Variants in DCC observed in about 807,000 individuals in gnomAD.
The protein encoded by DCC is netrin receptor DCC.
DCC carries 58 observed loss-of-function variants against 172.5 expected under a neutral mutation model. That is an observed-to-expected ratio of 0.34 (90% CI 0.27 to 0.42). The LOEUF (loss-of-function observed/expected upper bound fraction) is 0.42. DCC is among the 10% of genes least tolerant of loss of function. The probability of loss-of-function intolerance (pLI) is 1.00; values close to 1 mark genes in which losing one functional copy is unlikely to be tolerated. For missense variants in DCC, 1,740 were observed against 1,791.0 expected (o/e 0.97, Z 0.51); for synonymous variants, 709 against 644.5 (o/e 1.10, Z -1.52).
intron 1 of DCC, among the ~76,000 whole-genome samples, chr18:52,513,787 A>C (rs1270882560): frequency 6.6e-6 from 1 of 152,164 alleles, no homozygotes; most frequent in Non-Finnish European, 1.5e-5. Context: ...GTCTGCTATT[A>C]AATATCTCAA....
chr18:52,493,554 C>G (rs1229302664), intron 1 of DCC, among the ~76,000 whole-genome samples: 1 of 151,952 alleles, frequency 6.6e-6, no homozygotes, highest in Non-Finnish European at 1.5e-5. Context: ...GCCCAGGTTT[C>G]TGTGTCCTTA....
At chr18:53,062,056 A>G (rs1057033150) in intron 5 of DCC, among the ~76,000 whole-genome samples, 1 of 152,102 alleles carries the variant, frequency 6.6e-6, no homozygotes, top group Non-Finnish European at 1.5e-5. Flanking sequence ...GAATCAAAAA[A>G]GCCTTATACT....
At chr18:52,748,611 C>T (rs532322600) in intron 1 of DCC, among the ~76,000 whole-genome samples, 6 of 152,282 alleles carry the variant, frequency 3.9e-5, no homozygotes, top group Admixed American at 2.6e-4. Flanking sequence ...GGTGGCCACT[C>T]GGGCAGCAGT....
chr18:52,810,547 A>G (rs566907944), intron 2 of DCC, among the ~76,000 whole-genome samples: 1 of 152,218 alleles, frequency 6.6e-6, no homozygotes, highest in African/African-American at 2.4e-5. Flanking sequence ...AGAGGGGGAC[A>G]TAGGGATGTT....
At chr18:53,216,347 C>G (rs1261277977) in intron 12 of DCC, among the ~76,000 whole-genome samples, 3 of 152,128 alleles carry the variant, frequency 2.0e-5, no homozygotes, top group African/African-American at 7.2e-5. Context: ...AGGTACTTCT[C>G]ATGTGAGGAA....
chr18:53,287,287 T>C (rs2056947644), intron 12 of DCC, among the ~76,000 whole-genome samples: 1 of 152,186 alleles, frequency 6.6e-6, no homozygotes, highest in African/African-American at 2.4e-5. Flanking sequence ...TCAAGGTTCA[T>C]CCATATTGTA....
chr18:53,200,726 A>C (rs1568361610), intron 9 of DCC, among the ~76,000 whole-genome samples: 1 of 152,074 alleles, frequency 6.6e-6, no homozygotes, highest in Admixed American at 6.6e-5. Context: ...GTTTCCCAGA[A>C]GTTTCCAAGC....
At chr18:52,881,209 C>CT (rs1447502794) in intron 2 of DCC, among the ~76,000 whole-genome samples, 1 of 151,992 alleles carries the variant, frequency 6.6e-6, no homozygotes, top group Non-Finnish European at 1.5e-5. Flanking sequence ...TTGGATTAGA[C>CT]TTTTTCCTAT....
At chr18:52,899,877 C>G (rs571581613) in intron 2 of DCC, among the ~76,000 whole-genome samples, 1 of 152,252 alleles carries the variant, frequency 6.6e-6, no homozygotes. Context: ...GAAACATTTG[C>G]TTAAACTGAT....
chr18:52,435,158 A>G (rs1987749850), intron 1 of DCC, among the ~76,000 whole-genome samples: 1 of 151,932 alleles, frequency 6.6e-6, no homozygotes, highest in African/African-American at 2.4e-5. Context: ...CCCCTCTCTA[A>G]TCTGCTCATC....
chr18:53,213,990 A>C (rs2055803772), intron 11 of DCC, among the ~76,000 whole-genome samples: 1 of 151,942 alleles, frequency 6.6e-6, no homozygotes, highest in Non-Finnish European at 1.5e-5. Flanking sequence ...TTATTCAGCA[A>C]CTATTTACTG....
chr18:53,092,759 T>C (rs2144187187), intron 7 of DCC, among the ~76,000 whole-genome samples: 1 of 152,302 alleles, frequency 6.6e-6, no homozygotes, highest in South Asian at 2.1e-4. Flanking sequence ...CTACCCTTGC[T>C]GTAAGAGGTC....
At position 53,371,615 on chromosome 18, in the gene DCC, A is replaced by C. The variant is rs554158009; in HGVS notation, c.2360-14428A>C. On this transcript the variant is annotated intron_variant, in intron 15 of 28. Transcript: ENST00000442544. ...CCCTAAAATAAAAAGAAAATGAACA[A>C]AACTTTAATTAAATTTATAATGAAT... Among the ~76,000 whole-genome samples, 80 of 152,098 alleles carry C rather than the reference A, an allele frequency of 5.3e-4. No homozygotes were observed. The South Asian group carries it at 0.016, about 31-fold the overall frequency.
intron 1 of DCC, among the ~76,000 whole-genome samples, chr18:52,494,512 G>A (rs892845523): frequency 3.3e-5 from 5 of 151,770 alleles, no homozygotes; most frequent in Non-Finnish European, 5.9e-5. Flanking sequence ...TGTACTTTCC[G>A]ATATTTTTCA....
chr18:53,352,118 G>T (rs1466259411), intron 15 of DCC, among the ~76,000 whole-genome samples: 2 of 151,884 alleles, frequency 1.3e-5, no homozygotes, highest in Non-Finnish European at 2.9e-5. Flanking sequence ...TCTTTCTATA[G>T]GGAAAAACAA....
At chr18:52,446,172 C>T (rs991874276) in intron 1 of DCC, among the ~76,000 whole-genome samples, 4 of 152,130 alleles carry the variant, frequency 2.6e-5, no homozygotes, top group Non-Finnish European at 2.9e-5. Flanking sequence ...CCTCCCGCCT[C>T]GGTCTCCCAA....
chr18:53,073,839 T>A (rs976713347), intron 7 of DCC, among the ~76,000 whole-genome samples: 2 of 151,276 alleles, frequency 1.3e-5, no homozygotes, highest in South Asian at 4.1e-4. Flanking sequence ...TTGTTCCTTA[T>A]CAATATAAGA....
At chr18:52,996,436 A>G (rs2041480241) in intron 5 of DCC, among the ~76,000 whole-genome samples, 1 of 151,934 alleles carries the variant, frequency 6.6e-6, no homozygotes, top group Non-Finnish European at 1.5e-5. Context: ...TGATTTTTGG[A>G]TATATTTATC....
At chr18:53,517,747 G>A (rs888872959) in intron 27 of DCC, among the ~76,000 whole-genome samples, 6 of 152,020 alleles carry the variant, frequency 3.9e-5, no homozygotes, top group African/African-American at 1.4e-4. Flanking sequence ...TAAGAAGGTT[G>A]GGAGAAGAAC....
Sources: gnomAD v4.1 joint callset for allele counts (sites outside exome capture counted in the v4.1 genomes callset) on GRCh38, gnomAD v4.1.1 for gene constraint, MANE v1.5 for transcripts, NCBI Gene and HGNC (gene_info 2026-07-23, HGNC 2026-07-21) for gene names.